Variants in MAPK13 observed in about 807,000 individuals in gnomAD.
MAPK13 encodes MAP kinase 13.
Under a neutral mutation model 53.5 loss-of-function variants are expected in MAPK13, and 39 were observed. The observed-to-expected ratio is 0.73, with a 90% CI of 0.56 to 0.95. MAPK13 has a LOEUF of 0.95. Ranked by LOEUF, MAPK13 falls within the 40% of genes least tolerant of loss-of-function variation. MAPK13 has a pLI of 0.00. For synonymous variants in MAPK13, 179 were observed against 190.9 expected (o/e 0.94, Z 0.51); for missense variants, 460 against 471.8 (o/e 0.98, Z 0.23).
chr6:36,130,655 T>G lies in MAPK13; in HGVS notation c.73T>G (p.Tyr25Asp). 1.3e-6 allele frequency: 2 copies of G among 1,567,008 alleles called. No individual in the cohort carries two copies. Among genetic ancestry groups the G allele is most frequent in the Non-Finnish European group, 1.7e-6 (2 of 1,162,446 alleles). The change falls in exon 1 of 12, where the codon TAC (tyrosine) becomes GAC (aspartate). Residue 25 changes from tyrosine to aspartate, a missense_variant. Coordinates refer to ENST00000211287, the MANE Select transcript of MAPK13 (RefSeq NM_002754.5). The surrounding 1 kb of genome is among the most constrained non-coding windows in gnomAD (Gnocchi z 4.5). The part of the protein sequence containing the change: ...NKTAWELPKT[Y>D]VSPTHVGSGA... ...GACAGCCTGGGAGCTGCCCAAGACCTACGTGTCCCCGACGCACGTCGGCAG... is the reference window on the plus strand; with the variant it reads ...GACAGCCTGGGAGCTGCCCAAGACCGACGTGTCCCCGACGCACGTCGGCAG...
rs1476547135 is a variant in MAPK13, at chr6:36,142,870, T to TG, written c.*3503dup. ...GGTGGAGGTGCTCAGCAGTGCAAGGTGGGGGGTGGAGGGGGTGGGGAGTAG... is the reference window on the plus strand; with the variant it reads ...GGTGGAGGTGCTCAGCAGTGCAAGGTGGGGGGGTGGAGGGGGTGGGGAGTAG... On this transcript the variant is annotated 3_prime_UTR_variant, in exon 12 of 12. Transcript: ENST00000211287. This position sits in a 1 kb window ranked among gnomAD's most constrained non-coding sequence, Gnocchi z 4.4. The TG allele has an allele frequency of 7.7e-6, 1 of 129,184 alleles. No individual in the cohort carries two copies. The highest frequency in any genetic ancestry group is 1.7e-5 in the Non-Finnish European group (1 of 58,592). 8.0% of individuals were successfully genotyped at this position (129,184 alleles called of 1,614,324 possible).
chr6:36,139,446 C>T lies in MAPK13; in HGVS notation c.*73C>T, dbSNP rs1232413593. On this transcript the variant is annotated 3_prime_UTR_variant, in exon 12 of 12. Coordinates refer to ENST00000211287, the MANE Select transcript of MAPK13 (RefSeq NM_002754.5). Reference sequence around the variant, plus strand: ...GTATTTGTCACTACCAAACTCAGCCCTTCTTGGAATACAGCCTTTCAAGCA... The same window carrying T: ...GTATTTGTCACTACCAAACTCAGCCTTTCTTGGAATACAGCCTTTCAAGCA... The T allele has an allele frequency of 1.3e-5, 16 of 1,265,476 alleles. No individual in the cohort carries two copies. Among genetic ancestry groups the T allele is most frequent in the Non-Finnish European group, 1.0e-5 (9 of 865,384 alleles). The allele number at this position is 1,265,476 out of a possible 1,614,324, so 78.4% of individuals were successfully genotyped here.
rs141183489 is a variant in MAPK13, at chr6:36,139,325, C to G, written c.1050C>G (p.Ser350Arg). The G allele has an allele frequency of 6.2e-7, 1 of 1,614,138 alleles. No homozygotes were observed. Residue 350 changes from serine to arginine, a missense_variant, in exon 12 of 12, where the codon AGC becomes AGG. Coordinates refer to ENST00000211287, the MANE Select transcript of MAPK13 (RefSeq NM_002754.5). ...TCTACAAGGAGATTGTGAACTTCAG[C>G]CCCATTGCCCGGAAGGACTCACGGC... ...QHIYKEIVNF[S>R]PIARKDSRRR...
At position 36,130,830 on chromosome 6, in the gene MAPK13, C is replaced by G. The variant is rs1237469874; in HGVS notation, c.119+129C>G. ...GGACCTCAAGGCCCAGCGCCCTCCC[C>G]GGGGCCACCCAGCGGCCATCTCCCT... On this transcript the variant is annotated intron_variant, in intron 1 of 11. Transcript: ENST00000211287. The surrounding 1 kb of genome is among the most constrained non-coding windows in gnomAD (Gnocchi z 4.5). 1 of 531,412 alleles carries G rather than the reference C, an allele frequency of 1.9e-6. No individual in the cohort carries two copies. The highest frequency in any genetic ancestry group is 2.0e-5 in the African/African-American group (1 of 48,990). 32.9% of individuals were successfully genotyped at this position (531,412 alleles called of 1,614,324 possible). A position where few individuals can be genotyped will look rare whatever the true frequency, so the allele number is the denominator to read the frequency against.
chr6:36,135,385 A>T (rs1766395657), intron 3 of MAPK13, among the ~76,000 whole-genome samples: 2 of 152,140 alleles, frequency 1.3e-5, no homozygotes, highest in South Asian at 4.1e-4. Flanking sequence ...AAATATTTGG[A>T]CAGAAGCCGA....
At position 36,139,871 on chromosome 6, in the gene MAPK13, A is replaced by G. The variant is rs1221763252; in HGVS notation, c.*498A>G. On this transcript the variant is annotated 3_prime_UTR_variant, in exon 12 of 12. Coordinates refer to ENST00000211287, the MANE Select transcript of MAPK13 (RefSeq NM_002754.5). ...TTTTTAGCTTGTGGCGGCAGTGGGC[A>G]GTCCGTGGCATTCCCCAGCTTATTG... 3 of 159,596 alleles carry G rather than the reference A, an allele frequency of 1.9e-5. No homozygotes were observed. Among genetic ancestry groups the G allele is most frequent in the Non-Finnish European group, 4.1e-5 (3 of 72,350 alleles). The allele number at this position is 159,596 out of a possible 1,614,324, so 9.9% of individuals were successfully genotyped here.
At chr6:36,136,792 G>C in intron 7 of MAPK13, 22 bp downstream of exon 7, 1 of 1,612,480 alleles carries the variant, frequency 6.2e-7, no homozygotes, top group East Asian at 2.2e-5. Context: ...ATGCCTGAGA[G>C]GGCGGTCCTG....
intron 8 of MAPK13, among the ~76,000 whole-genome samples, chr6:36,137,689 G>A (rs1205253146): frequency 2.7e-5 from 4 of 148,098 alleles, no homozygotes; most frequent in African/African-American, 7.5e-5. Flanking sequence ...GGGTGGGCAT[G>A]GTGGCTCACA....
At chr6:36,133,073 G>A (rs1766350993) in intron 3 of MAPK13, among the ~76,000 whole-genome samples, 1 of 152,224 alleles carries the variant, frequency 6.6e-6, no homozygotes, top group South Asian at 2.1e-4. Context: ...AGAAGCCTTG[G>A]CTGCCTCTGG....
chr6:36,134,320 AAACAAC>A (rs143995200), intron 3 of MAPK13, among the ~76,000 whole-genome samples: 15 of 152,074 alleles, frequency 9.9e-5, no homozygotes, highest in South Asian at 2.1e-4. Context: ...GTCCTTTCAA[AAACAAC>A]AACAACAACA....
In MAPK13 at chr6:36,131,463, G is replaced by C. The variant is rs976947512; in HGVS notation, c.249+63G>C. ...CCCTGGGGAGTCAGGGGCAGGCGCA[G>C]GCGGGGCCTCCCGGTATGGAGAGCT... On this transcript the variant is annotated intron_variant, in intron 2 of 11. Coordinates refer to ENST00000211287, the MANE Select transcript of MAPK13 (RefSeq NM_002754.5). 1.2e-5 allele frequency: 18 copies of C among 1,524,494 alleles called. No homozygotes were observed. The African/African-American group carries it at 2.3e-4, about 20-fold the overall frequency. 94.4% of individuals were successfully genotyped at this position (1,524,494 alleles called of 1,614,324 possible).
Position 36,138,714 on chromosome 6 carries a change from A to C in MAPK13, c.775A>C (p.Ile259Leu). The C allele has an allele frequency of 6.2e-7, 1 of 1,614,088 alleles. No homozygotes were observed. Among genetic ancestry groups the C allele is most frequent in the Non-Finnish European group, 8.5e-7 (1 of 1,179,976 alleles). ...TTCTGTCTTCCAGGCCAAATCCTACATCCAGTCCCTGCCACAGACCCCCAG... is the reference window on the plus strand; with the variant it reads ...TTCTGTCTTCCAGGCCAAATCCTACCTCCAGTCCCTGCCACAGACCCCCAG... ...KLNDKAAKSY[I>L]QSLPQTPRKD... The change falls in exon 10 of 12, where the codon ATC becomes CTC. Residue 259 changes from isoleucine (I) to leucine (L), a missense_variant. Physicochemically the swap from Ile to Leu is conservative, Grantham distance 5. Coordinates refer to ENST00000211287, the MANE Select transcript of MAPK13 (RefSeq NM_002754.5).
Position 36,130,536 on chromosome 6 carries a change from C to A in MAPK13, c.-47C>A. ...TCGGGGCGCTGGGAGCCCGTTGGGC[C>A]GCGAACGCAGCCGCCACGCTGGGGC... On this transcript the variant is annotated 5_prime_UTR_variant, in exon 1 of 12. Coordinates refer to ENST00000211287, the MANE Select transcript of MAPK13 (RefSeq NM_002754.5). The surrounding 1 kb of genome is among the most constrained non-coding windows in gnomAD (Gnocchi z 4.5). 2.9e-6 allele frequency: 3 copies of A among 1,027,536 alleles called. No homozygotes were observed. Among genetic ancestry groups the A allele is most frequent in the Non-Finnish European group, 4.2e-6 (3 of 708,860 alleles). 63.7% of individuals were successfully genotyped at this position (1,027,536 alleles called of 1,614,324 possible).
chr6:36,138,810 C>T, intron 10 of MAPK13, 30 bp downstream of exon 10: 7 of 1,613,906 alleles, frequency 4.3e-6, no homozygotes, highest in Non-Finnish European at 5.9e-6. Flanking sequence ...CCCCAGGGGC[C>T]TCTCAGCGTA....
In MAPK13 at chr6:36,142,651, C is replaced by T. The variant is rs1766552454; in HGVS notation, c.*3278C>T. 6.6e-6 allele frequency: 1 copy of T among 152,328 alleles called. No individual in the cohort carries two copies. The highest frequency in any genetic ancestry group is 1.5e-5 in the Non-Finnish European group (1 of 68,156). 9.4% of individuals were successfully genotyped at this position (152,328 alleles called of 1,614,324 possible). On this transcript the variant is annotated 3_prime_UTR_variant, in exon 12 of 12. Coordinates refer to ENST00000211287, the MANE Select transcript of MAPK13 (RefSeq NM_002754.5). This position sits in a 1 kb window ranked among gnomAD's most constrained non-coding sequence, Gnocchi z 4.4. ...GTCATATGGAAGGTGGCAGAGAGCC[C>T]AGCAGGAAGCAGAAGTGGGCGGCCC... is the stretch of plus-strand genomic sequence containing the variant.
At position 36,140,387 on chromosome 6, in the gene MAPK13, G is replaced by A. The variant is rs745515192; in HGVS notation, c.*1014G>A. The A allele has an allele frequency of 1.3e-5, 2 of 152,802 alleles. No homozygotes were observed. The highest frequency in any genetic ancestry group is 2.4e-5 in the African/African-American group (1 of 41,466). 9.5% of individuals were successfully genotyped at this position (152,802 alleles called of 1,614,324 possible). ...AGCTCTCCAGAGCTTTGACCTGACA[G>A]TGGCTAGAACCTCTCTGTTTTTATC... On this transcript the variant is annotated 3_prime_UTR_variant, in exon 12 of 12. Transcript: ENST00000211287.
In MAPK13 at chr6:36,131,329, T is replaced by C. The variant is rs1766317561; in HGVS notation, c.178T>C (p.Phe60Leu). 2 of 1,613,644 alleles carry C rather than the reference T, an allele frequency of 1.2e-6. No individual in the cohort carries two copies. Among genetic ancestry groups the C allele is most frequent in the Non-Finnish European group, 1.7e-6 (2 of 1,179,830 alleles). ...KVAIKKLSRP[F>L]QSEIFAKRAY... ...GGCCATCAAGAAGCTGAGCCGACCC[T>C]TTCAGTCCGAGATCTTCGCCAAGCG... is the stretch of plus-strand genomic sequence containing the variant. The change falls in exon 2 of 12, where the codon TTT (phenylalanine) becomes CTT (leucine). Residue 60 changes from phenylalanine (F) to leucine (L), a missense_variant. Transcript: ENST00000211287.
chr6:36,131,673 T>C (rs1005189228), intron 2 of MAPK13, among the ~76,000 whole-genome samples: 1 of 152,242 alleles, frequency 6.6e-6, no homozygotes, highest in Non-Finnish European at 1.5e-5. Context: ...AACTTTGTAA[T>C]TGGTTCCATG....
rs779030846 is a variant in MAPK13 at position 36,136,638 on chromosome 6, T to C, written c.496-18T>C. On this transcript the variant is annotated intron_variant, in intron 6 of 11. Coordinates refer to ENST00000211287, the MANE Select transcript of MAPK13 (RefSeq NM_002754.5). ...TCCCCTCAGCAAGTTCCTTTTCTAT[T>C]TATCCCCTGTGCCATAGATTCTGGA... 17 of 1,612,928 alleles carry C rather than the reference T, an allele frequency of 1.1e-5. No homozygotes were observed. The highest frequency in any genetic ancestry group is 3.3e-4 in the Middle Eastern group (2 of 6,060).
Sources: allele counts gnomAD v4.1 joint callset (sites outside exome capture counted in the v4.1 genomes callset), GRCh38; gene constraint gnomAD v4.1.1; non-coding constraint Gnocchi (gnomAD v3.1); transcripts MANE v1.5; gene names NCBI Gene and HGNC (gene_info 2026-07-23, HGNC 2026-07-21).